The following ALAS2 variants were observed in gnomAD, a reference collection of about 807,000 sequenced individuals.
The protein encoded by ALAS2 is 5-aminolevulinate synthase, erythroid-specific, mitochondrial.
A neutral mutation model predicts 33.7 loss-of-function variants in ALAS2; 3 were observed. The observed-to-expected ratio is 0.09, with a 90% CI of 0.04 to 0.23. The LOEUF (loss-of-function observed/expected upper bound fraction) is 0.23, where lower values mean the gene tolerates loss of function less well. Ranked by LOEUF, ALAS2 falls within the 10% of genes least tolerant of loss-of-function variation. The pLI is 1.00. For synonymous variants in ALAS2, 191 were observed against 177.3 expected (o/e 1.08, Z -0.61); for missense variants, 304 against 475.1 (o/e 0.64, Z 3.35).
In ALAS2 at chrX:55,021,349, T is replaced by G. The variant is rs145257440; in HGVS notation, c.416-75A>C. ...TGGCTAGTCTGTATTTTACCCATGT[T>G]GCTGATTTTGAGTTCTCCAACTCTT... On this transcript the variant is annotated intron_variant, in intron 4 of 10. Coordinates refer to ENST00000650242, the MANE Select transcript of ALAS2 (RefSeq NM_000032.5). The G allele has an allele frequency of 8.2e-4, 719 of 876,273 alleles. 5 individuals carry two copies. In the African/African-American group the frequency reaches 0.012, roughly 14 times the overall value. The allele number at this position is 876,273 out of a possible 1,213,427, so 72.2% of individuals were successfully genotyped here.
In ALAS2 at chrX:55,020,350, T is replaced by C. The variant is rs761054702; in HGVS notation, c.793A>G (p.Thr265Ala). ...AGGATCTTGGCCAAGGTGAAGAGAGTAGAGTCATTGGCAACAAAGCAGGAG... is the reference window on the plus strand; with the variant it reads ...AGGATCTTGGCCAAGGTGAAGAGAGCAGAGTCATTGGCAACAAAGCAGGAG... ...FSSCFVANDS[T>A]LFTLAKILPG... is the part of the protein sequence containing the mutation. Residue 265 changes from threonine (T) to alanine (A), a missense_variant, in exon 6 of 11, where the codon ACT (threonine) becomes GCT (alanine). Thr to Ala is a moderately conservative substitution (Grantham distance 58). This residue lies in a region of ALAS2 where 138 missense variants were observed against 265.3 expected (regional missense o/e 0.52). Transcript: ENST00000650242. 8.3e-7 allele frequency: 1 copy of C among 1,208,392 alleles called. No individual in the cohort carries two copies. Among genetic ancestry groups the C allele is most frequent in the East Asian group, 3.0e-5 (1 of 33,733 alleles).
chrX:55,022,253 T>C (rs1183528530), intron 4 of ALAS2, among the ~76,000 whole-genome samples: 1 of 112,283 alleles, frequency 8.9e-6, no homozygotes, highest in Non-Finnish European at 1.9e-5. Flanking sequence ...GCTGCAGAGA[T>C]GTTTGGAAAT....
In ALAS2 at chrX:55,025,327, G is replaced by GTTTCT. The variant is rs763869257; in HGVS notation, c.181+488_182-488dup. 8.1e-4 allele frequency among the ~76,000 whole-genome samples: 90 copies of GTTTCT among 111,212 alleles called. 2 individuals carry two copies. The highest frequency in any genetic ancestry group is 8.6e-4 in the Admixed American group (9 of 10,477). The stretch of plus-strand genomic sequence containing the variant: ...GTGTGAGGGACATGACAGTGAGACT[G>GTTTCT]TTTCTTTTCTTTTCTTTTCTTTTCT... On this transcript the variant is annotated intron_variant, in intron 2 of 10. Coordinates refer to ENST00000650242, the MANE Select transcript of ALAS2 (RefSeq NM_000032.5).
chrX:55,010,099 C>T (rs1284824932), intron 10 of ALAS2, among the ~76,000 whole-genome samples: 1 of 111,651 alleles, frequency 9.0e-6, no homozygotes, highest in African/African-American at 3.3e-5. Context: ...TTGCTCAGTC[C>T]AAAAATTTCA....
At chrX:55,022,270 C>T (rs1935816276) in intron 4 of ALAS2, among the ~76,000 whole-genome samples, 1 of 111,688 alleles carries the variant, frequency 9.0e-6, no homozygotes. Flanking sequence ...AAATACATAT[C>T]AAAAGTTTTT....
Position 55,017,532 on chromosome X carries a change from A to C in ALAS2, c.957T>G (p.Pro319=). Residue 319 remains proline, a synonymous_variant, in exon 7 of 11, where the codon CCT becomes CCG. Transcript: ENST00000650242. ...HLKKLLEKSN[P]KIPKIVAFET... is the part of the protein sequence containing the mutation. ...CAAAGGCCACAATTTTGGGTATCTT[A>C]GGGTTAGACTTCTCTAGAAGTTTCT... is the stretch of plus-strand genomic sequence containing the variant. 1 of 1,211,315 alleles carries C rather than the reference A, an allele frequency of 8.3e-7. No homozygotes were observed. The highest frequency in any genetic ancestry group is 1.7e-5 in the African/African-American group (1 of 57,705).
intron 5 of ALAS2, among the ~76,000 whole-genome samples, chrX:55,020,719 G>C: frequency 9.0e-6 from 1 of 110,932 alleles, no homozygotes; most frequent in Middle Eastern, 4.6e-3. Flanking sequence ...AGAGGGAGAA[G>C]CTAGGTTGAG....
intron 4 of ALAS2, among the ~76,000 whole-genome samples, chrX:55,022,928 G>A (rs146505793): frequency 0.013 from 1,443 of 111,291 alleles, 17 homozygotes; most frequent in African/African-American, 0.044. Flanking sequence ...GATATTATTA[G>A]GTAAAAATAA....
rs1935548631 is a variant in ALAS2 at position 55,009,061 on chromosome X, G to A, written c.*119C>T. On this transcript the variant is annotated 3_prime_UTR_variant, in exon 11 of 11. Coordinates refer to ENST00000650242, the MANE Select transcript of ALAS2 (RefSeq NM_000032.5). ...TCCAATAAAAGGCTTCACATGCTGT[G>A]GTTTGTGCTTTATTTTTAGGCTCAA... 1 of 943,090 alleles carries A rather than the reference G, an allele frequency of 1.1e-6. No homozygotes were observed. The highest frequency in any genetic ancestry group is 1.5e-6 in the Non-Finnish European group (1 of 678,134). 77.7% of individuals were successfully genotyped at this position (943,090 alleles called of 1,213,427 possible). A position where few individuals can be genotyped will look rare whatever the true frequency, so the allele number is the denominator to read the frequency against.
At position 55,009,188 on chromosome X, in the gene ALAS2, A is replaced by G; in HGVS notation, c.1756T>C (p.Tyr586His). ...GNMGPQYVTT[Y>H]A ...CCTAGGCAGCTGGCTTCTCAGGCATAGGTGGTGACATACTGGGGCCCCATG... is the reference window on the plus strand; with the variant it reads ...CCTAGGCAGCTGGCTTCTCAGGCATGGGTGGTGACATACTGGGGCCCCATG... Residue 586 changes from tyrosine to histidine, a missense_variant, in exon 11 of 11, where the codon TAT becomes CAT. Physicochemically the swap from Tyr to His is moderately conservative, Grantham distance 83. Coordinates refer to ENST00000650242, the MANE Select transcript of ALAS2 (RefSeq NM_000032.5). 1 of 1,208,211 alleles carries G rather than the reference A, an allele frequency of 8.3e-7. No individual in the cohort carries two copies. Among genetic ancestry groups the G allele is most frequent in the Non-Finnish European group, 1.1e-6 (1 of 893,908 alleles).
intron 5 of ALAS2, 110 bp from the exon 6 acceptor site, chrX:55,020,614 T>G: frequency 1.3e-6 from 1 of 769,565 alleles, no homozygotes; most frequent in Admixed American, 2.8e-5. Flanking sequence ...TTAGTGATCC[T>G]ATATAAACTG....
intron 1 of ALAS2, chrX:55,027,984 A>G (rs1372230745): frequency 2.2e-6 from 1 of 458,314 alleles, no homozygotes; most frequent in East Asian, 3.8e-5. Context: ...TTAAAATTCC[A>G]GCTCTCCAAT....
chrX:55,023,767 G>A lies in ALAS2; in HGVS notation c.405C>T (p.Asn135=). The change falls in exon 4 of 11, where the codon AAC becomes AAT. Residue 135 remains asparagine (N), a synonymous_variant. Transcript: ENST00000650242. ...ISGKVTHLIQ[N]NMPGNYVFSY... Reference sequence around the variant, plus strand: ...CCTCAGCAAACTCACCAGGCATATTGTTCTGAATCAGGTGTGTGACCTTCC... The same window carrying A: ...CCTCAGCAAACTCACCAGGCATATTATTCTGAATCAGGTGTGTGACCTTCC... 1 of 1,208,979 alleles carries A rather than the reference G, an allele frequency of 8.3e-7. No homozygotes were observed. Among genetic ancestry groups the A allele is most frequent in the Non-Finnish European group, 1.1e-6 (1 of 893,642 alleles).
intron 1 of ALAS2, 110 bp downstream of exon 1, chrX:55,030,828 GAAAC>G (rs961162784): frequency 5.3e-6 from 1 of 189,624 alleles, no homozygotes; most frequent in African/African-American, 3.0e-5. Flanking sequence ...CAGATTCTAA[GAAAC>G]AAACAAAGGA....
At chrX:55,010,404 G>A (rs1008235492) in intron 10 of ALAS2, among the ~76,000 whole-genome samples, 1 of 111,417 alleles carries the variant, frequency 9.0e-6, no homozygotes, top group African/African-American at 3.3e-5. Flanking sequence ...CAGAGTAAAA[G>A]CCAAACTCCT....
intron 6 of ALAS2, among the ~76,000 whole-genome samples, chrX:55,019,475 T>C (rs1935761829): frequency 9.1e-6 from 1 of 110,372 alleles, no homozygotes; most frequent in African/African-American, 3.3e-5. Context: ...CTGAGGGAGA[T>C]GGGGAGGAGG....
intron 9 of ALAS2, among the ~76,000 whole-genome samples, chrX:55,013,917 A>G (rs193142059): frequency 3.4e-4 from 38 of 111,202 alleles, no homozygotes; most frequent in Middle Eastern, 4.6e-3. Flanking sequence ...GATTTTACTT[A>G]GCTAATATCT....
intron 2 of ALAS2, 39 bp downstream of exon 2, chrX:55,025,781 C>A (rs373208233): frequency 3.4e-6 from 4 of 1,184,228 alleles, no homozygotes; most frequent in Non-Finnish European, 4.6e-6. Flanking sequence ...TACCCCAGGA[C>A]CCTAACATTC....
At chrX:55,015,038 T>G in intron 8 of ALAS2, 23 bp from the exon 9 acceptor site, 1 of 1,201,317 alleles carries the variant, frequency 8.3e-7, no homozygotes, top group Non-Finnish European at 1.1e-6. Context: ...AGGAATAAGA[T>G]ATACACAGAT....
Sources: gnomAD v4.1 joint callset for allele counts (sites outside exome capture counted in the v4.1 genomes callset) on GRCh38, gnomAD v4.1.1 for gene constraint, gnomAD v4.1.1 regional missense constraint, MANE v1.5 for transcripts, NCBI Gene and HGNC (gene_info 2026-07-23, HGNC 2026-07-21) for gene names.